Variants in FGF14 observed in about 807,000 individuals in gnomAD.
FGF14 encodes fibroblast growth factor homologous factor 4.
FGF14 carries 5 observed loss-of-function variants against 25.5 expected under a neutral mutation model. The observed-to-expected ratio is 0.20, with a 90% confidence interval of 0.10 to 0.41. The LOEUF (loss-of-function observed/expected upper bound fraction) is 0.41. Among genes scored for constraint, FGF14 ranks in the 10% least tolerant of loss-of-function variants. The probability of loss-of-function intolerance (pLI) is 1.00; values close to 1 mark genes in which losing one functional copy is unlikely to be tolerated. For missense variants in FGF14, 222 were observed against 320.1 expected (o/e 0.69, Z 2.34); for synonymous variants, 138 against 118.3 (o/e 1.17, Z -1.08).
intron 1 of FGF14, among the ~76,000 whole-genome samples, chr13:102,294,713 T>C (rs750109040): frequency 4.6e-5 from 7 of 152,144 alleles, no homozygotes; most frequent in Non-Finnish European, 7.4e-5. Context: ...TGTTTCCTTC[T>C]GATAATATTA....
At chr13:101,738,970 A>G (rs1373264544) in intron 3 of FGF14, among the ~76,000 whole-genome samples, 1 of 137,482 alleles carries the variant, frequency 7.3e-6, no homozygotes, top group African/African-American at 2.5e-5. Context: ...ATATATATAT[A>G]TATGCCAATT....
chr13:101,810,293 A>G (rs1403654862), intron 3 of FGF14, among the ~76,000 whole-genome samples: 1 of 152,176 alleles, frequency 6.6e-6, no homozygotes, highest in Non-Finnish European at 1.5e-5. Flanking sequence ...TATTTTTATG[A>G]TCTATGCAGG....
chr13:102,102,505 A>G (rs2044708759), intron 1 of FGF14, among the ~76,000 whole-genome samples: 1 of 152,166 alleles, frequency 6.6e-6, no homozygotes. Context: ...GCTTTTGCCC[A>G]ACCTCCTCAT....
chr13:101,925,455 T>G (rs1311044732), intron 1 of FGF14, among the ~76,000 whole-genome samples: 1 of 152,218 alleles, frequency 6.6e-6, no homozygotes, highest in African/African-American at 2.4e-5. Context: ...TGGGGACAAC[T>G]GGTACTTCAG....
intron 1 of FGF14, among the ~76,000 whole-genome samples, chr13:102,275,262 T>TTCTCTCTCTCTC (rs56028235): frequency 3.5e-4 from 24 of 68,984 alleles, no homozygotes; most frequent in African/African-American, 9.6e-4. Flanking sequence ...CTCTCTCTCT[T>TTCTCTCTCTCTC]TCTCTCTCTC....
At chr13:101,918,547 A>G (rs944696335), upstream of FGF14, among the ~76,000 whole-genome samples, 3 of 152,240 alleles carry the variant, frequency 2.0e-5, no homozygotes, top group Non-Finnish European at 1.5e-5. Context: ...GTTCTCAACC[A>G]AAACACACTT....
intron 1 of FGF14, among the ~76,000 whole-genome samples, chr13:102,271,986 T>A (rs1205824257): frequency 1.3e-5 from 2 of 152,140 alleles, no homozygotes; most frequent in Non-Finnish European, 2.9e-5. Context: ...ATACATGTGA[T>A]CTGTCTCTCC....
chr13:101,817,246 G>A (rs973846245), intron 3 of FGF14, among the ~76,000 whole-genome samples: 1 of 152,060 alleles, frequency 6.6e-6, no homozygotes, highest in African/African-American at 2.4e-5. Context: ...TATAATCATT[G>A]CTTAAGAAAT....
intron 1 of FGF14, among the ~76,000 whole-genome samples, chr13:102,378,623 C>CTATATA (rs1367750076): frequency 3.9e-4 from 48 of 124,348 alleles, no homozygotes; most frequent in African/African-American, 1.7e-3. Context: ...ATCTATCTAT[C>CTATATA]TATCTATCTA....
intron 1 of FGF14, among the ~76,000 whole-genome samples, chr13:102,118,834 A>T (rs1003311371): frequency 6.6e-6 from 1 of 152,146 alleles, no homozygotes; most frequent in Non-Finnish European, 1.5e-5. Context: ...TACACCAAAA[A>T]ATTAAATTAA....
rs2034541939 is a variant in FGF14, at chr13:101,712,933, TGTCA to T, written c.*9894_*9897del. ...ACTGGGTCCTGAGAAACCACAGGGC[TGTCA>T]GTCAATTATTAAAACTGAGAAGACG... On this transcript the variant is annotated 3_prime_UTR_variant, in exon 5 of 5. Coordinates refer to ENST00000376143, the MANE Select transcript of FGF14 (RefSeq NM_004115.4). The T allele has an allele frequency of 6.6e-6, 1 of 152,214 alleles. No individual in the cohort carries two copies. The highest frequency in any genetic ancestry group is 2.4e-5 in the African/African-American group (1 of 41,452). The allele number at this position is 152,214 out of a possible 1,614,324, so 9.4% of individuals were successfully genotyped here.
intron 1 of FGF14, among the ~76,000 whole-genome samples, chr13:102,385,890 T>G (rs887597209): frequency 6.6e-6 from 1 of 152,186 alleles, no homozygotes; most frequent in African/African-American, 2.4e-5. Flanking sequence ...TGAAGTACTG[T>G]GTTAAAGCAG....
intron 3 of FGF14, among the ~76,000 whole-genome samples, chr13:101,808,295 CTTCT>C (rs1266441139): frequency 1.3e-5 from 2 of 151,950 alleles, no homozygotes; most frequent in Admixed American, 6.6e-5. Flanking sequence ...ATCCCTATTC[CTTCT>C]GTTATCCTTT....
chr13:102,343,452 G>A (rs2057013879), intron 1 of FGF14, among the ~76,000 whole-genome samples: 1 of 152,188 alleles, frequency 6.6e-6, no homozygotes, highest in African/African-American at 2.4e-5. Context: ...TAGGGCAGTT[G>A]TTGCAAGGCC....
chr13:101,900,635 T>C (rs987353843), intron 1 of FGF14, among the ~76,000 whole-genome samples: 2 of 152,164 alleles, frequency 1.3e-5, no homozygotes, highest in Admixed American at 6.6e-5. Context: ...AAGACTAATA[T>C]ATTGTGTTAG....
chr13:101,818,035 C>T lies in FGF14; in HGVS notation c.408+50690G>A, dbSNP rs541047107. 8.2e-4 allele frequency among the ~76,000 whole-genome samples: 125 copies of T among 152,292 alleles called. 1 individual carries two copies. Among genetic ancestry groups the T allele is most frequent in the African/African-American group, 2.8e-3 (117 of 41,562 alleles). On this transcript the variant is annotated intron_variant, in intron 3 of 4. Coordinates refer to ENST00000376143, the MANE Select transcript of FGF14 (RefSeq NM_004115.4). ...AAGATGCATCTAAGTGCTTACTATA[C>T]ATCTGAAACTGTATGCAAGACTCTT...
intron 3 of FGF14, among the ~76,000 whole-genome samples, chr13:101,862,186 G>A (rs1322341810): frequency 1.3e-5 from 2 of 152,104 alleles, no homozygotes; most frequent in Non-Finnish European, 2.9e-5. Context: ...GGAGTAGGCA[G>A]AAAACAAGGT....
At chr13:102,137,666 A>G (rs2046470652) in intron 1 of FGF14, among the ~76,000 whole-genome samples, 1 of 152,076 alleles carries the variant, frequency 6.6e-6, no homozygotes, top group Non-Finnish European at 1.5e-5. Flanking sequence ...TTTACTCTCA[A>G]AATGTCTTTG....
intron 3 of FGF14, among the ~76,000 whole-genome samples, chr13:101,840,131 A>T (rs1335654961): frequency 6.6e-6 from 1 of 152,026 alleles, no homozygotes. Flanking sequence ...TCCAATGTAA[A>T]GTGGACACCT....
Sources: gnomAD v4.1 joint callset for allele counts (sites outside exome capture counted in the v4.1 genomes callset) on GRCh38, gnomAD v4.1.1 for gene constraint, MANE v1.5 for transcripts, NCBI Gene and HGNC (gene_info 2026-07-23, HGNC 2026-07-21) for gene names.